SIL1: variants seen among roughly 807,000 people sequenced by gnomAD.
SIL1 encodes SIL1 nucleotide exchange factor.
In SIL1, 40 loss-of-function variants were observed where a neutral mutation model predicts 49.1. The observed-to-expected ratio is 0.81, with a 90% CI of 0.63 to 1.06. SIL1 has a LOEUF of 1.06. Ranked by LOEUF, SIL1 falls within the 50% of genes least tolerant of loss-of-function variation. SIL1 has a pLI of 0.00. For missense variants in SIL1, 500 were observed against 572.6 expected (o/e 0.87, Z 1.29); for synonymous variants, 253 against 250.8 (o/e 1.01, Z -0.08).
At chr5:138,989,395 C>T (rs542166584) in intron 7 of SIL1, among the ~76,000 whole-genome samples, 1 of 152,264 alleles carries the variant, frequency 6.6e-6, no homozygotes, top group Admixed American at 6.5e-5. Flanking sequence ...CCAAAAATTA[C>T]AGAAATTATC....
chr5:139,094,546 A>G (rs1770414091), intron 3 of SIL1, among the ~76,000 whole-genome samples: 2 of 152,388 alleles, frequency 1.3e-5, no homozygotes, highest in South Asian at 4.1e-4. Flanking sequence ...GAAAGGGTAG[A>G]CAGAGATGGC....
At chr5:139,012,967 A>G (rs1309763584) in intron 7 of SIL1, among the ~76,000 whole-genome samples, 2 of 152,246 alleles carry the variant, frequency 1.3e-5, no homozygotes, top group East Asian at 1.9e-4. Flanking sequence ...AAATAAAACA[A>G]AAAGTACATA....
chr5:139,107,167 G>A (rs1169036254), intron 3 of SIL1, among the ~76,000 whole-genome samples: 1 of 152,148 alleles, frequency 6.6e-6, no homozygotes, highest in Admixed American at 6.5e-5. Flanking sequence ...AACAGACCTT[G>A]CCTGAGGATG....
chr5:139,055,724 G>A (rs913167498), intron 3 of SIL1, among the ~76,000 whole-genome samples: 13 of 145,524 alleles, frequency 8.9e-5, no homozygotes, highest in East Asian at 6.9e-4. Context: ...ATGCCTAGCC[G>A]AAGCTGGACT....
intron 7 of SIL1, among the ~76,000 whole-genome samples, chr5:138,954,694 G>A (rs1249645882): frequency 6.6e-6 from 1 of 152,258 alleles, no homozygotes; most frequent in Non-Finnish European, 1.5e-5. Context: ...AGTCAGCTCT[G>A]CCTTGGGCTT....
chr5:139,127,287 A>T (rs1324132850), intron 2 of SIL1, among the ~76,000 whole-genome samples: 1 of 152,230 alleles, frequency 6.6e-6, no homozygotes, highest in East Asian at 1.9e-4. Context: ...ACAGGCACTC[A>T]GCTTTTGGGA....
chr5:139,132,863 A>G (rs1358623568), intron 1 of SIL1, among the ~76,000 whole-genome samples: 1 of 152,174 alleles, frequency 6.6e-6, no homozygotes. Context: ...CTTTGCCAGG[A>G]TGGCCCACCA....
intron 1 of SIL1, among the ~76,000 whole-genome samples, chr5:139,155,808 C>A (rs1414369488): frequency 6.6e-6 from 1 of 151,808 alleles, no homozygotes; most frequent in African/African-American, 2.4e-5. Context: ...CCAAGGCAGG[C>A]ATGAGGGGGA....
At position 139,026,800 on chromosome 5, in the gene SIL1, C is replaced by A. The variant is rs794726659; in HGVS notation, c.645+1G>T. 1 of 1,613,884 alleles carries A rather than the reference C, an allele frequency of 6.2e-7. No homozygotes were observed. The highest frequency in any genetic ancestry group is 1.3e-5 in the African/African-American group (1 of 74,904). On this transcript the variant is annotated splice_donor_variant, in intron 6 of 9. Coordinates refer to ENST00000394817, the MANE Select transcript of SIL1 (RefSeq NM_022464.5). LOFTEE classifies it high-confidence loss of function. The stretch of plus-strand genomic sequence containing the variant: ...GACTTATGGACGAAGAAATACAGTA[C>A]CTGATGGACATAATATTCAAGATCA...
intron 3 of SIL1, among the ~76,000 whole-genome samples, chr5:139,077,839 C>G (rs189780751): frequency 1.5e-4 from 23 of 152,240 alleles, no homozygotes; most frequent in Non-Finnish European, 2.8e-4. Flanking sequence ...TCAGATTATG[C>G]TAGGCCAAAT....
chr5:139,193,147 A>G, intron 1 of SIL1, among the ~76,000 whole-genome samples: 1 of 152,224 alleles, frequency 6.6e-6, no homozygotes, highest in East Asian at 1.9e-4. Context: ...GAGTGCAGTA[A>G]CAGCCCAGAA....
At chr5:139,170,422 G>A (rs1393213481) in intron 1 of SIL1, among the ~76,000 whole-genome samples, 1 of 151,046 alleles carries the variant, frequency 6.6e-6, no homozygotes, top group Admixed American at 6.6e-5. Context: ...AGGAAGTGAG[G>A]AGTGCCTCTT....
chr5:139,162,948 C>A (rs1160123435), intron 1 of SIL1, among the ~76,000 whole-genome samples: 4 of 152,020 alleles, frequency 2.6e-5, no homozygotes, highest in African/African-American at 9.7e-5. Context: ...AACAGCAGAA[C>A]TGAGCTGAGA....
chr5:139,176,463 C>A (rs1444689356), intron 1 of SIL1, among the ~76,000 whole-genome samples: 1 of 152,168 alleles, frequency 6.6e-6, no homozygotes, highest in East Asian at 1.9e-4. Context: ...TAGCAACACC[C>A]TACTTCTCAG....
At chr5:138,983,385 G>A (rs1223441952) in intron 7 of SIL1, among the ~76,000 whole-genome samples, 3 of 151,284 alleles carry the variant, frequency 2.0e-5, no homozygotes, top group South Asian at 2.1e-4. Flanking sequence ...GCAGATGCCT[G>A]TAGTCCCAGG....
At chr5:139,024,550 C>G (rs1472661296) in intron 6 of SIL1, among the ~76,000 whole-genome samples, 1 of 152,246 alleles carries the variant, frequency 6.6e-6, no homozygotes, top group Non-Finnish European at 1.5e-5. Flanking sequence ...AACAAGGGCA[C>G]TGTCGTGCAT....
chr5:138,979,676 A>G (rs1767474105), intron 7 of SIL1, among the ~76,000 whole-genome samples: 1 of 152,048 alleles, frequency 6.6e-6, no homozygotes, highest in Non-Finnish European at 1.5e-5. Context: ...GCTAATTCAT[A>G]TTTTTTAATG....
chr5:139,063,111 A>G (rs945692435), intron 3 of SIL1, among the ~76,000 whole-genome samples: 8 of 152,250 alleles, frequency 5.3e-5, no homozygotes. Flanking sequence ...GGCTGTTATC[A>G]TTGTCCTAAT....
At chr5:139,000,899 A>C (rs1284058927) in intron 7 of SIL1, among the ~76,000 whole-genome samples, 1 of 151,894 alleles carries the variant, frequency 6.6e-6, no homozygotes, top group East Asian at 1.9e-4. Flanking sequence ...CCCAGATTAT[A>C]TATATAATAT....
Sources: allele counts gnomAD v4.1 joint callset (sites outside exome capture counted in the v4.1 genomes callset), GRCh38; gene constraint gnomAD v4.1.1; transcripts MANE v1.5; gene names NCBI Gene and HGNC (gene_info 2026-07-23, HGNC 2026-07-21).